SYT9: variants seen among roughly 807,000 people sequenced by gnomAD.
SYT9 encodes the protein synaptotagmin 9, also known as synaptotagmin-9.
A neutral mutation model predicts 48.4 loss-of-function variants in SYT9; 22 were observed. The observed-to-expected ratio is 0.45, with a 90% CI of 0.32 to 0.65. The LOEUF is 0.65. Ranked by LOEUF, SYT9 falls within the 30% of genes least tolerant of loss-of-function variation. The pLI is 0.03. For synonymous variants in SYT9, 265 were observed against 245.0 expected, an observed-to-expected ratio of 1.08 and a Z score of -0.76; for missense variants, 577 against 622.0, an observed-to-expected ratio of 0.93 and a Z score of 0.77.
At chr11:7,384,186 C>T (rs975518048) in intron 3 of SYT9, among the ~76,000 whole-genome samples, 3 of 151,916 alleles carry the variant, frequency 2.0e-5, no homozygotes, top group Non-Finnish European at 4.4e-5. Context: ...GTTATGTAAA[C>T]ATGATGTATA....
chr11:7,294,969 C>G (rs997757294), intron 1 of SYT9, among the ~76,000 whole-genome samples: 3 of 152,216 alleles, frequency 2.0e-5, no homozygotes, highest in African/African-American at 7.2e-5. Context: ...CGTTCCTTCT[C>G]TTTTCCTTCC....
intron 3 of SYT9, among the ~76,000 whole-genome samples, chr11:7,405,081 C>A (rs774810816): frequency 1.9e-4 from 28 of 144,960 alleles, no homozygotes; most frequent in Non-Finnish European, 2.4e-4. Context: ...ACATCTGATA[C>A]CTGTCAAGGT....
chr11:7,379,613 C>T (rs1193603697), intron 3 of SYT9, among the ~76,000 whole-genome samples: 1 of 152,110 alleles, frequency 6.6e-6, no homozygotes, highest in African/African-American at 2.4e-5. Context: ...GTGACTGACA[C>T]CCCTCCAAAT....
chr11:7,282,035 G>C (rs1848503825), intron 1 of SYT9, among the ~76,000 whole-genome samples: 1 of 152,142 alleles, frequency 6.6e-6, no homozygotes, highest in Non-Finnish European at 1.5e-5. Flanking sequence ...ATTGCTTTAA[G>C]TTGCTAACTG....
chr11:7,269,070 T>A (rs1016546163), intron 1 of SYT9, among the ~76,000 whole-genome samples: 1 of 152,150 alleles, frequency 6.6e-6, no homozygotes, highest in Non-Finnish European at 1.5e-5. Context: ...CTTTCCTTTT[T>A]ATTACTGATT....
At chr11:7,465,478 T>G (rs1227861752) in intron 6 of SYT9, among the ~76,000 whole-genome samples, 1 of 152,246 alleles carries the variant, frequency 6.6e-6, no homozygotes, top group African/African-American at 2.4e-5. Context: ...GTTTTTTCTC[T>G]CTATGGCCAC....
intron 3 of SYT9, among the ~76,000 whole-genome samples, chr11:7,386,389 A>G (rs1324882948): frequency 1.3e-5 from 2 of 152,000 alleles, no homozygotes; most frequent in East Asian, 3.8e-4. Flanking sequence ...AATTTTTGCA[A>G]TCTACTCATC....
chr11:7,255,916 G>C (rs933776973), intron 1 of SYT9, among the ~76,000 whole-genome samples: 17 of 152,142 alleles, frequency 1.1e-4, no homozygotes, highest in Non-Finnish European at 4.4e-5. Flanking sequence ...AGACTTCGCT[G>C]TCAAGAAGAT....
chr11:7,277,552 C>G (rs1344127491), intron 1 of SYT9, among the ~76,000 whole-genome samples: 2 of 152,132 alleles, frequency 1.3e-5, no homozygotes, highest in Non-Finnish European at 2.9e-5. Context: ...AGCATTTTCT[C>G]AAATGTGAAG....
chr11:7,258,602 A>T (rs1848021204), intron 1 of SYT9, among the ~76,000 whole-genome samples: 1 of 152,150 alleles, frequency 6.6e-6, no homozygotes, highest in African/African-American at 2.4e-5. Flanking sequence ...GACAAAGTGG[A>T]ATAAGCAAGG....
intron 1 of SYT9, among the ~76,000 whole-genome samples, chr11:7,257,737 T>C (rs1848000662): frequency 6.6e-6 from 1 of 152,284 alleles, no homozygotes; most frequent in African/African-American, 2.4e-5. Context: ...ATGAGTGGCA[T>C]ATTGGATGCA....
intron 1 of SYT9, among the ~76,000 whole-genome samples, chr11:7,298,468 C>G (rs1293485999): frequency 6.6e-6 from 1 of 152,108 alleles, no homozygotes; most frequent in South Asian, 2.1e-4. Context: ...GATGGCTCAG[C>G]TTGGTTACCT....
intron 6 of SYT9, among the ~76,000 whole-genome samples, chr11:7,462,624 G>A (rs1277742997): frequency 1.3e-5 from 2 of 152,140 alleles, no homozygotes. Flanking sequence ...AGAGCATGAT[G>A]AATCTTCATA....
At chr11:7,376,263 C>T (rs1010311536) in intron 3 of SYT9, among the ~76,000 whole-genome samples, 19 of 151,292 alleles carry the variant, frequency 1.3e-4, no homozygotes, top group African/African-American at 4.4e-4. Flanking sequence ...CTCTTTCTCT[C>T]TCTCTCCCTC....
chr11:7,411,302 C>A (rs189198592), intron 3 of SYT9, among the ~76,000 whole-genome samples: 3 of 152,172 alleles, frequency 2.0e-5, no homozygotes, highest in Admixed American at 2.0e-4. Flanking sequence ...TGAATTCTTT[C>A]TCTTCCTCAT....
At chr11:7,414,888 C>A (rs1847209035) in intron 3 of SYT9, among the ~76,000 whole-genome samples, 1 of 152,092 alleles carries the variant, frequency 6.6e-6, no homozygotes, top group Admixed American at 6.5e-5. Context: ...GAACCTGAAT[C>A]CCCAGAGCAT....
intron 2 of SYT9, among the ~76,000 whole-genome samples, chr11:7,312,114 A>G (rs1190388756): frequency 2.0e-5 from 3 of 152,186 alleles, no homozygotes; most frequent in Non-Finnish European, 4.4e-5. Context: ...GGTACCAGTG[A>G]CAGCTCTGTG....
intron 6 of SYT9, among the ~76,000 whole-genome samples, chr11:7,424,010 G>T (rs1012641081): frequency 3.3e-5 from 5 of 152,146 alleles, no homozygotes; most frequent in African/African-American, 1.2e-4. Flanking sequence ...GAGGGAGAGA[G>T]AACGAAGATG....
intron 1 of SYT9, among the ~76,000 whole-genome samples, chr11:7,262,193 C>T (rs1293752729): frequency 6.6e-6 from 1 of 152,016 alleles, no homozygotes; most frequent in Non-Finnish European, 1.5e-5. Flanking sequence ...GTGTGAAAGA[C>T]AGAGAGGAGT....
Sources: allele counts gnomAD v4.1 joint callset (sites outside exome capture counted in the v4.1 genomes callset), GRCh38; gene constraint gnomAD v4.1.1; transcripts MANE v1.5; gene names NCBI Gene and HGNC (gene_info 2026-07-23, HGNC 2026-07-21).